CDKAL1: variants seen among roughly 807,000 people sequenced by gnomAD.
CDKAL1 encodes CDKAL1 threonylcarbamoyladenosine tRNA methylthiotransferase.
CDKAL1 carries 32 observed loss-of-function variants against 68.2 expected under a neutral mutation model. That is an observed-to-expected ratio of 0.47 (90% CI 0.35 to 0.63). The LOEUF is 0.63. Among genes scored for constraint, CDKAL1 ranks in the 30% least tolerant of loss-of-function variants. The pLI, the probability that CDKAL1 is intolerant of heterozygous loss-of-function variation, is 0.00. For missense variants in CDKAL1, 606 were observed against 696.7 expected (o/e 0.87, Z 1.47); for synonymous variants, 234 against 244.3 (o/e 0.96, Z 0.39).
chr6:21,223,823 A>AC (rs1779624002), intron 15 of CDKAL1, among the ~76,000 whole-genome samples: 1 of 152,108 alleles, frequency 6.6e-6, no homozygotes, highest in African/African-American at 2.4e-5. Flanking sequence ...TTTCCTCCCC[A>AC]TTTTCTTAGG....
intron 10 of CDKAL1, among the ~76,000 whole-genome samples, chr6:20,998,981 G>C (rs543652422): frequency 6.6e-5 from 10 of 151,370 alleles, no homozygotes; most frequent in Non-Finnish European, 1.3e-4. Context: ...TGGTTGATCC[G>C]TATGCATGAC....
chr6:21,182,639 C>A (rs2151087755), intron 13 of CDKAL1, among the ~76,000 whole-genome samples: 1 of 152,212 alleles, frequency 6.6e-6, no homozygotes, highest in African/African-American at 2.4e-5. Context: ...TACTCATTTG[C>A]AAATAACTGT....
chr6:21,218,903 G>A (rs1010391190), intron 15 of CDKAL1, among the ~76,000 whole-genome samples: 1 of 152,150 alleles, frequency 6.6e-6, no homozygotes, highest in African/African-American at 2.4e-5. Context: ...CATCTTCAGG[G>A]CTGCCTACCA....
intron 4 of CDKAL1, among the ~76,000 whole-genome samples, chr6:20,612,180 C>T (rs962751183): frequency 1.3e-5 from 2 of 152,152 alleles, no homozygotes; most frequent in African/African-American, 4.8e-5. Context: ...GATTTCATAG[C>T]TTTGCTATTG....
intron 15 of CDKAL1, among the ~76,000 whole-genome samples, chr6:21,213,206 T>C (rs1008232925): frequency 6.6e-6 from 1 of 152,162 alleles, no homozygotes; most frequent in Non-Finnish European, 1.5e-5. Flanking sequence ...ATCTATAAAT[T>C]GGGAGGAATA....
intron 10 of CDKAL1, among the ~76,000 whole-genome samples, chr6:20,975,734 T>G (rs1221305236): frequency 6.6e-6 from 1 of 152,176 alleles, no homozygotes; most frequent in Non-Finnish European, 1.5e-5. Context: ...CCCACGGATG[T>G]TAATAATTTT....
chr6:20,702,273 A>G (rs571218630), intron 5 of CDKAL1, among the ~76,000 whole-genome samples: 9 of 152,212 alleles, frequency 5.9e-5, no homozygotes, highest in African/African-American at 2.2e-4. Flanking sequence ...CTAAGGGTGG[A>G]TGCTTACAGC....
At chr6:21,110,398 C>T (rs1398982835) in intron 13 of CDKAL1, among the ~76,000 whole-genome samples, 2 of 152,104 alleles carry the variant, frequency 1.3e-5, no homozygotes, top group Admixed American at 6.5e-5. Context: ...CACTATTTTC[C>T]CAATCTGAGA....
chr6:20,575,778 C>G (rs1262583101), intron 4 of CDKAL1, among the ~76,000 whole-genome samples: 3 of 151,992 alleles, frequency 2.0e-5, no homozygotes, highest in African/African-American at 7.3e-5. Flanking sequence ...ATTAATTTTT[C>G]TTTCAGTTGA....
intron 6 of CDKAL1, among the ~76,000 whole-genome samples, chr6:20,756,928 C>A (rs1254905586): frequency 1.4e-5 from 2 of 142,328 alleles, no homozygotes; most frequent in Non-Finnish European, 3.0e-5. Flanking sequence ...TCCTTCCCTC[C>A]TTCCCTTCCT....
intron 13 of CDKAL1, among the ~76,000 whole-genome samples, chr6:21,152,506 C>T (rs1776459543): frequency 1.3e-5 from 2 of 152,208 alleles, no homozygotes; most frequent in African/African-American, 4.8e-5. Context: ...CATATGACCC[C>T]CACAAACATT....
chr6:20,919,182 GA>G (rs945548467), intron 9 of CDKAL1, among the ~76,000 whole-genome samples: 7 of 152,144 alleles, frequency 4.6e-5, no homozygotes, highest in African/African-American at 1.7e-4. Context: ...TATCCATTTT[GA>G]AAAGAGGAAG....
intron 5 of CDKAL1, among the ~76,000 whole-genome samples, chr6:20,693,989 C>T (rs977977400): frequency 2.0e-5 from 3 of 151,456 alleles, no homozygotes; most frequent in African/African-American, 2.4e-5. Flanking sequence ...CCTCCCACTT[C>T]AGCCTCCCGA....
rs147804161 is a variant in CDKAL1, at chr6:21,050,268, G to A, written c.1056-14780G>A. Among the ~76,000 whole-genome samples the A allele has an allele frequency of 1.1e-3, 164 of 152,258 alleles. 1 individual carries two copies. In the East Asian group the frequency reaches 0.028, roughly 26 times the overall value. ...AGATTTTGCCTAATATTGATTGTAG[G>A]AATTTTTTTTCTTGGTTGCCTTGCA... On this transcript the variant is annotated intron_variant, in intron 11 of 15. Transcript: ENST00000274695.
intron 11 of CDKAL1, among the ~76,000 whole-genome samples, chr6:21,047,793 T>C (rs1770325631): frequency 6.6e-6 from 1 of 151,944 alleles, no homozygotes; most frequent in Non-Finnish European, 1.5e-5. Flanking sequence ...TGAGAGAAAA[T>C]CAAGAAAAAT....
intron 9 of CDKAL1, among the ~76,000 whole-genome samples, chr6:20,912,918 T>G (rs1035226616): frequency 2.6e-5 from 4 of 152,014 alleles, no homozygotes; most frequent in Non-Finnish European, 5.9e-5. Flanking sequence ...CTATCCAATA[T>G]GTACATATCT....
chr6:20,920,439 A>G (rs1227483888), intron 9 of CDKAL1, among the ~76,000 whole-genome samples: 2 of 152,222 alleles, frequency 1.3e-5, no homozygotes, highest in Non-Finnish European at 2.9e-5. Context: ...CTCATGCTTG[A>G]CTGACAAGTT....
intron 11 of CDKAL1, among the ~76,000 whole-genome samples, chr6:21,008,787 T>G (rs371680328): frequency 7.2e-5 from 11 of 152,310 alleles, no homozygotes; most frequent in African/African-American, 1.4e-4. Context: ...AATACGTGTC[T>G]GTTGAATGAA....
intron 9 of CDKAL1, among the ~76,000 whole-genome samples, chr6:20,882,616 T>C (rs1195385715): frequency 6.6e-6 from 1 of 152,232 alleles, no homozygotes; most frequent in Non-Finnish European, 1.5e-5. Flanking sequence ...TATTGTTTCA[T>C]GTTCATTCCT....
Sources: gnomAD v4.1 joint callset for allele counts (sites outside exome capture counted in the v4.1 genomes callset) on GRCh38, gnomAD v4.1.1 for gene constraint, MANE v1.5 for transcripts, NCBI Gene and HGNC (gene_info 2026-07-23, HGNC 2026-07-21) for gene names.